Variants in ARHGEF10 observed in about 807,000 individuals in gnomAD.
ARHGEF10 encodes Rho guanine nucleotide exchange factor 10, also known as Rho guanine nucleotide exchange factor (GEF) 10.
Under a neutral mutation model 147.4 loss-of-function variants are expected in ARHGEF10, and 140 were observed. The ratio of observed to expected loss-of-function variants is 0.95; its 90% CI spans 0.83 to 1.09. The LOEUF is 1.09. ARHGEF10 is among the 50% of genes least tolerant of loss of function. The pLI, the probability that ARHGEF10 is intolerant of heterozygous loss-of-function variation, is 0.00. For synonymous variants in ARHGEF10, 902 were observed against 695.8 expected (o/e 1.30, Z -4.67); for missense variants, 2,222 against 1,752.7 (o/e 1.27, Z -4.78).
rs757537181 is a variant in ARHGEF10 at position 1,894,594 on chromosome 8, G to C, written c.1440+22G>C. On this transcript the variant is annotated intron_variant, in intron 13 of 28. Coordinates refer to ENST00000349830, the MANE Select transcript of ARHGEF10 (RefSeq NM_014629.4). ...TTCGGTAATTAAGCTGGGACACCTG[G>C]ATGTCCATGGGGCTCTCCATGCACC... 21 of 1,613,048 alleles carry C rather than the reference G, an allele frequency of 1.3e-5. 1 individual carries two copies. In the Middle Eastern group the frequency reaches 5.3e-4, roughly 40 times the overall value.
At chr8:1,839,597 A>AG (rs1308544493) in intron 1 of ARHGEF10, among the ~76,000 whole-genome samples, 5 of 89,174 alleles carry the variant, frequency 5.6e-5, no homozygotes, top group Middle Eastern at 0.013. Flanking sequence ...CTGGTGTGGG[A>AG]CTGTCTGCTG....
intron 7 of ARHGEF10, among the ~76,000 whole-genome samples, chr8:1,871,599 C>A (rs1271398415): frequency 6.6e-6 from 1 of 152,130 alleles, no homozygotes; most frequent in Non-Finnish European, 1.5e-5. Flanking sequence ...CCGGGTGGAT[C>A]ATGAGGTCAG....
chr8:1,907,734 G>C (rs530236486), intron 17 of ARHGEF10, among the ~76,000 whole-genome samples: 1 of 152,308 alleles, frequency 6.6e-6, no homozygotes, highest in South Asian at 2.1e-4. Context: ...CGATGCCAGG[G>C]CTTGAATTTC....
In ARHGEF10 at chr8:1,903,295, C is replaced by A. The variant is rs1023542337; in HGVS notation, c.1665C>A (p.Asn555Lys). The change falls in exon 16 of 29, where the codon AAC (asparagine) becomes AAA (lysine). Residue 555 changes from asparagine to lysine, a missense_variant. Asn to Lys is a moderately conservative substitution (Grantham distance 94, BLOSUM62 0). Coordinates refer to ENST00000349830, the MANE Select transcript of ARHGEF10 (RefSeq NM_014629.4). ...FILLLQDMLK[N>K]TSKGHPDRLP... ...GTTGCTTGTAGGACATGCTGAAGAA[C>A]ACCTCCAAAGGCCACCCCGACAGGC... 2.5e-6 allele frequency: 4 copies of A among 1,613,980 alleles called. No individual in the cohort carries two copies. The African/African-American group carries it at 5.3e-5, about 22-fold the overall frequency.
chr8:1,862,832 A>G (rs1250916801), intron 4 of ARHGEF10, among the ~76,000 whole-genome samples: 6 of 141,832 alleles, frequency 4.2e-5, no homozygotes, highest in African/African-American at 8.0e-5. Flanking sequence ...AGGCTGGAGT[A>G]CAGTGGCGGG....
intron 11 of ARHGEF10, among the ~76,000 whole-genome samples, chr8:1,889,867 TGTGGTG>T (rs1286836659): frequency 3.1e-5 from 4 of 130,360 alleles, no homozygotes; most frequent in African/African-American, 1.3e-4. Context: ...AGACACTGAG[TGTGGTG>T]AGGGTTTGTG....
intron 27 of ARHGEF10, among the ~76,000 whole-genome samples, chr8:1,949,604 C>T (rs1814866046): frequency 6.6e-6 from 1 of 152,018 alleles, no homozygotes; most frequent in African/African-American, 2.4e-5. Context: ...TCTGAGTCTC[C>T]ACCGAGCGAA....
chr8:1,906,504 C>G (rs926405169), intron 17 of ARHGEF10, among the ~76,000 whole-genome samples: 1 of 152,226 alleles, frequency 6.6e-6, no homozygotes, highest in African/African-American at 2.4e-5. Flanking sequence ...CAGCACACCA[C>G]TAAACATGCC....
intron 1 of ARHGEF10, among the ~76,000 whole-genome samples, chr8:1,838,842 A>T (rs78752078): frequency 6.7e-6 from 1 of 149,788 alleles, no homozygotes; most frequent in African/African-American, 2.5e-5. Flanking sequence ...GCTGTCTGGC[A>T]TGGAAGCTGT....
chr8:1,895,539 ATATTGGATATTTATTTTGT>A (rs1279809283), intron 13 of ARHGEF10, among the ~76,000 whole-genome samples: 1 of 152,176 alleles, frequency 6.6e-6, no homozygotes, highest in Non-Finnish European at 1.5e-5. Context: ...AAAAAGAGAA[ATATTGGATATTTATTTTGT>A]TATTGGATTT....
At position 1,945,548 on chromosome 8, in the gene ARHGEF10, T is replaced by C. The variant is rs1402293129; in HGVS notation, c.3290T>C (p.Ile1097Thr). The change falls in exon 27 of 29, where the codon ATC (isoleucine) becomes ACC (threonine). Residue 1097 changes from isoleucine (I) to threonine (T), a missense_variant. Physicochemically the swap from Ile to Thr is moderately conservative, Grantham distance 89 (BLOSUM62 -1). Coordinates refer to ENST00000349830, the MANE Select transcript of ARHGEF10 (RefSeq NM_014629.4). The stretch of plus-strand genomic sequence containing the variant: ...CACATGGCCGTGTCCGGCGTCGGGA[T>C]CTGGATTGCCTTCACCTCAGGGTCC... ...ISHMAVSGVG[I>T]WIAFTSGSTL... 3.1e-6 allele frequency: 5 copies of C among 1,614,212 alleles called. No individual in the cohort carries two copies. Among genetic ancestry groups the C allele is most frequent in the Non-Finnish European group, 4.2e-6 (5 of 1,180,036 alleles).
Position 1,857,998 on chromosome 8 carries a change from G to A in ARHGEF10, c.76G>A (p.Glu26Lys). ...MKYDTNNNEE[E>K]EGEQFDFDSG... ...ATATGATACCAATAATAATGAAGAG[G>A]AAGAGGGAGAACAGTTCGATTTTGA... The change falls in exon 3 of 29, where the codon GAA becomes AAA. Residue 26 changes from glutamate to lysine, a missense_variant. Glu to Lys is a moderately conservative substitution (Grantham distance 56). Transcript: ENST00000349830. The A allele has an allele frequency of 1.2e-6, 2 of 1,614,060 alleles. No homozygotes were observed. Among genetic ancestry groups the A allele is most frequent in the Non-Finnish European group, 1.7e-6 (2 of 1,179,984 alleles).
chr8:1,825,374 G>C (rs1802703945), intron 1 of ARHGEF10, among the ~76,000 whole-genome samples: 1 of 39,788 alleles, frequency 2.5e-5, no homozygotes, highest in Non-Finnish European at 4.4e-5. Context: ...CCTGTCCCCT[G>C]CACCTCAACT....
At chr8:1,899,951 G>A (rs192250320) in intron 15 of ARHGEF10, among the ~76,000 whole-genome samples, 3 of 152,316 alleles carry the variant, frequency 2.0e-5, no homozygotes, top group African/African-American at 7.2e-5. Context: ...GGGTGAACCA[G>A]CCCACATGCC....
chr8:1,891,080 TG>T (rs1239853755), intron 11 of ARHGEF10, among the ~76,000 whole-genome samples: 2 of 152,208 alleles, frequency 1.3e-5, no homozygotes, highest in African/African-American at 4.8e-5. Context: ...CCCACCGTAA[TG>T]GTTCAGTGAA....
At chr8:1,936,161 A>G (rs1813586288) in intron 26 of ARHGEF10, among the ~76,000 whole-genome samples, 1 of 152,144 alleles carries the variant, frequency 6.6e-6, no homozygotes, top group Non-Finnish European at 1.5e-5. Context: ...CACTGTCCCT[A>G]AACAAACTGG....
At chr8:1,869,345 T>C (rs778381804) in intron 7 of ARHGEF10, 95 bp downstream of exon 7, 2 of 1,057,070 alleles carry the variant, frequency 1.9e-6, no homozygotes, top group East Asian at 4.8e-5. Context: ...GCCCAGACGT[T>C]TTCTGTATTC....
chr8:1,894,964 C>G (rs1585435961), intron 13 of ARHGEF10, among the ~76,000 whole-genome samples: 1 of 152,196 alleles, frequency 6.6e-6, no homozygotes, highest in East Asian at 1.9e-4. Context: ...TCTTCCTGAT[C>G]TAGGTGTCAC....
intron 2 of ARHGEF10, among the ~76,000 whole-genome samples, chr8:1,844,029 G>A (rs1429882464): frequency 6.6e-6 from 1 of 152,248 alleles, no homozygotes; most frequent in Non-Finnish European, 1.5e-5. Flanking sequence ...GACACTGACC[G>A]ACGTTTCCAT....
Sources: allele counts gnomAD v4.1 joint callset (sites outside exome capture counted in the v4.1 genomes callset), GRCh38; gene constraint gnomAD v4.1.1; transcripts MANE v1.5; gene names NCBI Gene and HGNC (gene_info 2026-07-23, HGNC 2026-07-21).